Variants in UGT1A4 observed in about 807,000 individuals in gnomAD.
UGT1A4 encodes the protein UDP glucuronosyltransferase family 1 member A4, also known as UDP-glucuronosyltransferase 1A4.
UGT1A4 carries 32 observed loss-of-function variants against 41.1 expected under a neutral mutation model. The ratio of observed to expected loss-of-function variants is 0.78; its 90% CI spans 0.59 to 1.05. UGT1A4 has a LOEUF of 1.05. Among genes scored for constraint, UGT1A4 ranks in the 50% least tolerant of loss-of-function variants. UGT1A4 has a pLI of 0.00. For synonymous variants in UGT1A4, 283 were observed against 265.1 expected (o/e 1.07, Z -0.66); for missense variants, 748 against 677.4 (o/e 1.10, Z -1.16).
chr2:233,735,494 C>T (rs1320863859), intron 1 of UGT1A4, among the ~76,000 whole-genome samples: 1 of 152,164 alleles, frequency 6.6e-6, no homozygotes, highest in Non-Finnish European at 1.5e-5. Flanking sequence ...TTAATTGCAG[C>T]ATTTAGCCCA....
rs1417813271 is a variant in UGT1A4 at position 233,725,080 on chromosome 2, G to C, written c.867+5393G>C. Reference sequence around the variant, plus strand: ...CGCGCGCCTGCAATCGCAGGCACTCGGCAGGCTGAGGCAGGAGAATCAGGC... The same window carrying C: ...CGCGCGCCTGCAATCGCAGGCACTCCGCAGGCTGAGGCAGGAGAATCAGGC... On this transcript the variant is annotated intron_variant, in intron 1 of 4. Coordinates refer to ENST00000373409, the MANE Select transcript of UGT1A4 (RefSeq NM_007120.3). 2.8e-5 allele frequency among the ~76,000 whole-genome samples: 4 copies of C among 144,008 alleles called. No homozygotes were observed. In the Admixed American group the frequency reaches 2.8e-4, roughly 10 times the overall value. 94.5% of individuals were successfully genotyped at this position (144,008 alleles called of 152,430 possible).
Position 233,718,974 on chromosome 2 carries a change from C to T in UGT1A4, c.154C>T (p.His52Tyr), listed in dbSNP as rs1346744859. The change falls in exon 1 of 5, where the codon CAT (histidine) becomes TAT (tyrosine). Residue 52 changes from histidine (H) to tyrosine (Y), a missense_variant. Physicochemically the swap from His to Tyr is moderately conservative, Grantham distance 83. Coordinates refer to ENST00000373409, the MANE Select transcript of UGT1A4 (RefSeq NM_007120.3). ...LSMREALREL[H>Y]ARGHQAVVLT... is the part of the protein sequence containing the mutation. ...CATGCGGGAGGCCTTGCGGGAGCTC[C>T]ATGCCAGAGGCCACCAGGCGGTGGT... 1 of 1,614,236 alleles carries T rather than the reference C, an allele frequency of 6.2e-7. No individual in the cohort carries two copies. The highest frequency in any genetic ancestry group is 1.1e-5 in the South Asian group (1 of 91,074).
At chr2:233,734,081 A>G (rs1041213735) in intron 1 of UGT1A4, among the ~76,000 whole-genome samples, 23 of 152,124 alleles carry the variant, frequency 1.5e-4, no homozygotes, top group African/African-American at 5.6e-4. Context: ...CATTGTGCAC[A>G]TGCACCCTAA....
chr2:233,749,891 C>A (rs769638729), intron 1 of UGT1A4, among the ~76,000 whole-genome samples: 71 of 152,066 alleles, frequency 4.7e-4, no homozygotes, highest in Admixed American at 1.4e-3. Context: ...CTGAGGCTCC[C>A]CCCTCCAGCC....
At chr2:233,747,587 T>C (rs1416788712) in intron 1 of UGT1A4, 8 of 1,579,890 alleles carry the variant, frequency 5.1e-6, no homozygotes, top group Non-Finnish European at 3.5e-6. Context: ...TGGTCTTTCA[T>C]AGGTCTTGTG....
intron 1 of UGT1A4, chr2:233,729,195 G>C: frequency 6.2e-7 from 1 of 1,614,030 alleles, no homozygotes; most frequent in Non-Finnish European, 8.5e-7. Context: ...TCAGTGTCCA[G>C]CCCTGGGCTG....
At position 233,719,059 on chromosome 2, in the gene UGT1A4, A is replaced by G. The variant is rs747301276; in HGVS notation, c.239A>G (p.Tyr80Cys). The G allele has an allele frequency of 3.7e-6, 6 of 1,614,138 alleles. No individual in the cohort carries two copies. In the South Asian group the frequency reaches 4.4e-5, roughly 12 times the overall value. Residue 80 changes from tyrosine to cysteine, a missense_variant, in exon 1 of 5, where the codon TAT becomes TGT. Transcript: ENST00000373409. Reference sequence around the variant, plus strand: ...GAGAAATTTTTCACCCTGACAGCCTATGCTGTTCCATGGACCCAGAAGGAA... The same window carrying G: ...GAGAAATTTTTCACCCTGACAGCCTGTGCTGTTCCATGGACCCAGAAGGAA... The part of the protein sequence containing the change: ...KEEKFFTLTA[Y>C]AVPWTQKEFD...
intron 1 of UGT1A4, 119 bp downstream of exon 1, chr2:233,719,806 T>C: frequency 1.9e-6 from 3 of 1,595,234 alleles, no homozygotes; most frequent in Non-Finnish European, 2.6e-6. Context: ...TTTGGCTTCT[T>C]TATAACAGAT....
chr2:233,747,428 G>T (rs1427040404), intron 1 of UGT1A4: 12 of 1,608,630 alleles, frequency 7.5e-6, no homozygotes, highest in South Asian at 6.6e-5. Context: ...TCAAACAAGA[G>T]AAATTTTTCA....
At chr2:233,721,760 T>C in intron 1 of UGT1A4, 1 of 468,990 alleles carries the variant, frequency 2.1e-6, no homozygotes, top group South Asian at 1.6e-5. Context: ...ACATCTAAAT[T>C]GTTATATTTA....
chr2:233,754,390 C>G, intron 1 of UGT1A4: 1 of 303,204 alleles, frequency 3.3e-6, no homozygotes, highest in Admixed American at 4.5e-5. Flanking sequence ...AACAGAGGTC[C>G]TATCCGTGCA....
rs1282092196 is a variant in UGT1A4 at position 233,719,544 on chromosome 2, G to C, written c.724G>C (p.Glu242Gln). The part of the protein sequence containing the change: ...ASLASELFQR[E>Q]VSVVDLVSYA... ...TCTTGCCTCTGAGCTTTTTCAGAGA[G>C]AGGTGTCAGTGGTGGATCTTGTCAG... Residue 242 changes from glutamate (E) to glutamine (Q), a missense_variant, in exon 1 of 5, where the codon GAG becomes CAG. By Grantham distance (29) the Glu-to-Gln change is conservative (BLOSUM62 2). Transcript: ENST00000373409. 1.2e-6 allele frequency: 2 copies of C among 1,613,824 alleles called. No homozygotes were observed. The highest frequency in any genetic ancestry group is 1.7e-6 in the Non-Finnish European group (2 of 1,179,876).
intron 1 of UGT1A4, chr2:233,730,114 C>T: frequency 1.3e-6 from 2 of 1,562,004 alleles, no homozygotes; most frequent in South Asian, 1.2e-5. Flanking sequence ...TCTGCTTCTC[C>T]TTGTCATAAT....
intron 1 of UGT1A4, among the ~76,000 whole-genome samples, chr2:233,765,604 G>C (rs986298003): frequency 6.6e-5 from 10 of 151,976 alleles, no homozygotes; most frequent in African/African-American, 2.2e-4. Context: ...CAGGGCTTGT[G>C]GCGGGGTGAG....
At chr2:233,735,698 A>C (rs1273245395) in intron 1 of UGT1A4, among the ~76,000 whole-genome samples, 2 of 152,000 alleles carry the variant, frequency 1.3e-5, no homozygotes, top group Admixed American at 6.5e-5. Flanking sequence ...CTTGTAAGGC[A>C]GGCCTGGTGG....
intron 1 of UGT1A4, chr2:233,747,599 G>A: frequency 6.3e-7 from 1 of 1,574,950 alleles, no homozygotes; most frequent in Non-Finnish European, 8.7e-7. Flanking sequence ...GGTCTTGTGT[G>A]GAGCTACTGC....
At chr2:233,740,774 A>AAAG (rs1357611508) in intron 1 of UGT1A4, 1 of 151,862 alleles carries the variant, frequency 6.6e-6, no homozygotes, top group African/African-American at 2.4e-5. Flanking sequence ...CCGTTGTATA[A>AAAG]AAGATGAATA....
chr2:233,759,854 G>T (rs1017536593), intron 1 of UGT1A4, among the ~76,000 whole-genome samples: 2 of 152,182 alleles, frequency 1.3e-5, no homozygotes, highest in African/African-American at 4.8e-5. Context: ...AGGTTTCCAT[G>T]GCGAAAGCGG....
At chr2:233,748,012 G>C (rs911822936) in intron 1 of UGT1A4, 2 of 1,613,354 alleles carry the variant, frequency 1.2e-6, no homozygotes, top group Non-Finnish European at 1.7e-6. Context: ...GATTACCCCA[G>C]GCCGATCATG....
Sources: gnomAD v4.1 joint callset for allele counts (sites outside exome capture counted in the v4.1 genomes callset) on GRCh38, gnomAD v4.1.1 for gene constraint, MANE v1.5 for transcripts, NCBI Gene and HGNC (gene_info 2026-07-23, HGNC 2026-07-21) for gene names.